The following CFAP20DC variants were observed in gnomAD, a reference collection of about 807,000 sequenced individuals.
CFAP20DC encodes CFAP20 domain containing, also known as protein CFAP20DC.
In CFAP20DC, 84 loss-of-function variants were observed where a neutral mutation model predicts 101.7. The ratio of observed to expected loss-of-function variants is 0.83; its 90% CI spans 0.69 to 0.99. The LOEUF is 0.99. CFAP20DC is among the 50% of genes least tolerant of loss of function. CFAP20DC has a pLI of 0.00. For missense variants in CFAP20DC, 1,007 were observed against 970.3 expected (o/e 1.04, Z -0.50); for synonymous variants, 359 against 351.2 (o/e 1.02, Z -0.25).
chr3:58,825,210 C>T (rs746814564), intron 14 of CFAP20DC, among the ~76,000 whole-genome samples: 4 of 151,960 alleles, frequency 2.6e-5, no homozygotes, highest in Admixed American at 6.6e-5. Context: ...AGGTCTCAGT[C>T]GTCATAAAAA....
chr3:58,777,499 T>C (rs2071440250), intron 15 of CFAP20DC, among the ~76,000 whole-genome samples: 1 of 152,202 alleles, frequency 6.6e-6, no homozygotes, highest in Non-Finnish European at 1.5e-5. Context: ...AATGTGTGAC[T>C]TGTAACTAAT....
In CFAP20DC at chr3:58,784,946, A is replaced by G. The variant is rs147597674; in HGVS notation, c.2237+21449T>C. On this transcript the variant is annotated intron_variant, in intron 15 of 16. Transcript: ENST00000482387. ...ACGACTGGGTATTTATCCAAAGGAAAAGAAATCAGTATATCAAAGGGATAC... is the reference window on the plus strand; with the variant it reads ...ACGACTGGGTATTTATCCAAAGGAAGAGAAATCAGTATATCAAAGGGATAC... Among the ~76,000 whole-genome samples, 1,439 of 152,264 alleles carry G rather than the reference A, an allele frequency of 9.5e-3. 16 individuals carry two copies. Among genetic ancestry groups the G allele is most frequent in the Middle Eastern group, 0.014 (4 of 294 alleles).
intron 4 of CFAP20DC, among the ~76,000 whole-genome samples, chr3:58,988,660 G>T (rs750005588): frequency 6.6e-6 from 1 of 152,122 alleles, no homozygotes; most frequent in Non-Finnish European, 1.5e-5. Flanking sequence ...ATGATACTTC[G>T]TTAAAGCAGC....
chr3:58,789,247 A>G (rs2072645455), intron 15 of CFAP20DC, among the ~76,000 whole-genome samples: 1 of 152,188 alleles, frequency 6.6e-6, no homozygotes, highest in African/African-American at 2.4e-5. Context: ...CTTTAACGAG[A>G]GAATAATTGC....
chr3:58,987,937 T>G (rs2092805539), intron 4 of CFAP20DC, among the ~76,000 whole-genome samples: 1 of 151,938 alleles, frequency 6.6e-6, no homozygotes, highest in Non-Finnish European at 1.5e-5. Flanking sequence ...ATAAAAAGGA[T>G]TAAAACACCC....
rs2093456672 is a variant in CFAP20DC at position 59,007,189 on chromosome 3, C to G, written c.278+32368G>C. Among the ~76,000 whole-genome samples, 1 of 152,104 alleles carries G rather than the reference C, an allele frequency of 6.6e-6. No individual in the cohort carries two copies. Among genetic ancestry groups the G allele is most frequent in the South Asian group, 2.1e-4 (1 of 4,826 alleles). On this transcript the variant is annotated intron_variant, in intron 4 of 16. Transcript: ENST00000482387. The surrounding 1 kb of genome is among the most constrained non-coding windows in gnomAD (Gnocchi z 4.4). ...TCCCCAACAGTGGCTGTGGCAAGCC[C>G]CGCCCCAGGAGAGTCTGAGCTCATA...
rs795413 is a variant in CFAP20DC, at chr3:58,814,701, G to C, written c.2176-8245C>G. On this transcript the variant is annotated intron_variant, in intron 14 of 16. Transcript: ENST00000482387. ...AATGTACAAAAATCACAAGCATTCT[G>C]ATACACCAACAACAGACAAACAGAG... is the stretch of plus-strand genomic sequence containing the variant. Among the ~76,000 whole-genome samples, 2 of 150,636 alleles carry C rather than the reference G, an allele frequency of 1.3e-5. 1 individual carries two copies. The highest frequency in any genetic ancestry group is 5.0e-5 in the African/African-American group (2 of 40,286).
intron 3 of CFAP20DC, among the ~76,000 whole-genome samples, chr3:58,730,493 G>A (rs138701788): frequency 1.3e-5 from 2 of 152,288 alleles, no homozygotes; most frequent in Admixed American, 6.5e-5. Context: ...AAGGCCGGGG[G>A]GTGGAGGAGA....
At chr3:58,880,011 T>G (rs1220971675) in intron 7 of CFAP20DC, among the ~76,000 whole-genome samples, 2 of 151,898 alleles carry the variant, frequency 1.3e-5, no homozygotes, top group African/African-American at 4.8e-5. Context: ...TATATTTTAA[T>G]TTTATAGCAA....
chr3:58,823,553 A>G (rs995965213), intron 14 of CFAP20DC, among the ~76,000 whole-genome samples: 4 of 152,144 alleles, frequency 2.6e-5, no homozygotes, highest in African/African-American at 9.7e-5. Flanking sequence ...ATGAACAACT[A>G]CATTCAACAG....
Position 58,806,849 on chromosome 3 carries a change from C to G in CFAP20DC, c.2176-393G>C, listed in dbSNP as rs532811669. Among the ~76,000 whole-genome samples, 103 of 152,278 alleles carry G rather than the reference C, an allele frequency of 6.8e-4. No individual in the cohort carries two copies. The Middle Eastern group carries it at 0.01, about 15-fold the overall frequency. Reference sequence around the variant, plus strand: ...GGGTGACAGATGGCACCTGGAAAATCGGGTCACTCCCACCCTAATACTGCA... The same window carrying G: ...GGGTGACAGATGGCACCTGGAAAATGGGGTCACTCCCACCCTAATACTGCA... On this transcript the variant is annotated intron_variant, in intron 14 of 16. Coordinates refer to ENST00000482387, the MANE Select transcript of CFAP20DC (RefSeq NM_001394063.1).
At chr3:58,763,037 A>G (rs2069817344) in intron 15 of CFAP20DC, among the ~76,000 whole-genome samples, 1 of 151,838 alleles carries the variant, frequency 6.6e-6, no homozygotes, top group Non-Finnish European at 1.5e-5. Flanking sequence ...CTTCTGGAGG[A>G]GTATCTTTGT....
At chr3:58,975,048 G>A (rs2092194402) in intron 4 of CFAP20DC, among the ~76,000 whole-genome samples, 1 of 152,142 alleles carries the variant, frequency 6.6e-6, no homozygotes, top group East Asian at 1.9e-4. Flanking sequence ...TATCCAGTAG[G>A]TGGAAGGGAG....
chr3:58,826,854 A>G (rs2076073811), intron 14 of CFAP20DC, among the ~76,000 whole-genome samples: 1 of 152,160 alleles, frequency 6.6e-6, no homozygotes, highest in African/African-American at 2.4e-5. Context: ...GAGCCAGAAG[A>G]TAACAGGGAC....
At chr3:58,835,980 G>C (rs539899607) in intron 13 of CFAP20DC, among the ~76,000 whole-genome samples, 1 of 152,266 alleles carries the variant, frequency 6.6e-6, no homozygotes, top group South Asian at 2.1e-4. Flanking sequence ...GTAGGAAAGA[G>C]GGGAGACATT....
intron 4 of CFAP20DC, among the ~76,000 whole-genome samples, chr3:59,010,636 A>G (rs766590515): frequency 2.0e-5 from 3 of 152,202 alleles, no homozygotes; most frequent in Non-Finnish European, 4.4e-5. Flanking sequence ...TCCACTGACA[A>G]CATTAGACAG....
rs2067511365 is a variant in CFAP20DC, at chr3:58,724,017, G to T, written c.198-6389C>A. 6.6e-6 allele frequency among the ~76,000 whole-genome samples: 1 copy of T among 152,204 alleles called. No homozygotes were observed. The highest frequency in any genetic ancestry group is 2.4e-5 in the African/African-American group (1 of 41,452). On this transcript the variant is annotated intron_variant, in intron 3 of 3. Transcript: ENST00000486145. The surrounding 1 kb of genome is among the most constrained non-coding windows in gnomAD (Gnocchi z 5.6). The stretch of plus-strand genomic sequence containing the variant: ...GACAAACATTCATTCGCTGGTCTCT[G>T]TTCTTGGGGAAGTAACATAGATACA...
chr3:58,788,807 C>T lies in CFAP20DC; in HGVS notation c.2237+17588G>A, dbSNP rs2107619540. Among the ~76,000 whole-genome samples the T allele has an allele frequency of 6.6e-6, 1 of 152,180 alleles. No individual in the cohort carries two copies. Among genetic ancestry groups the T allele is most frequent in the South Asian group, 2.1e-4 (1 of 4,814 alleles). ...GGAATATGGGAATAAGAGAACTGAC[C>T]CTACTGGGTTGTAGCAGGGATTAAA... On this transcript the variant is annotated intron_variant, in intron 15 of 16. Coordinates refer to ENST00000482387, the MANE Select transcript of CFAP20DC (RefSeq NM_001394063.1). This position sits in a 1 kb window ranked among gnomAD's most constrained non-coding sequence, Gnocchi z 4.2.
At chr3:58,731,962 A>G (rs1220427054) in intron 3 of CFAP20DC, among the ~76,000 whole-genome samples, 1 of 152,194 alleles carries the variant, frequency 6.6e-6, no homozygotes, top group African/African-American at 2.4e-5. Context: ...ACAATTCCTG[A>G]GCCTGTTTGT....
Sources: gnomAD v4.1 joint callset for allele counts (sites outside exome capture counted in the v4.1 genomes callset) on GRCh38, gnomAD v4.1.1 for gene constraint, Gnocchi (gnomAD v3.1) non-coding constraint, MANE v1.5 for transcripts, NCBI Gene and HGNC (gene_info 2026-07-23, HGNC 2026-07-21) for gene names.